CSPP1: variants seen among roughly 807,000 people sequenced by gnomAD.
The protein encoded by CSPP1 is centrosome and spindle pole associated protein 1, also known as centrosome and spindle pole-associated protein 1.
A neutral mutation model predicts 164.4 loss-of-function variants in CSPP1; 126 were observed. That is an observed-to-expected ratio of 0.77 (90% CI 0.66 to 0.89). CSPP1 has a LOEUF of 0.89. Ranked by LOEUF, CSPP1 falls within the 40% of genes least tolerant of loss-of-function variation. The pLI, the probability that CSPP1 is intolerant of heterozygous loss-of-function variation, is 0.00. For missense variants in CSPP1, 1,395 were observed against 1,449.8 expected (o/e 0.96, Z 0.61); for synonymous variants, 472 against 476.7 (o/e 0.99, Z 0.13).
intron 23 of CSPP1, among the ~76,000 whole-genome samples, 169 bp from the exon 24 acceptor site, chr8:67,164,222 G>A (rs1017699898): frequency 6.6e-6 from 1 of 152,078 alleles, no homozygotes; most frequent in Non-Finnish European, 1.5e-5. Flanking sequence ...TCCTAATGAC[G>A]TTCACAATTA....
intron 15 of CSPP1, among the ~76,000 whole-genome samples, chr8:67,127,497 C>T (rs1177149136): frequency 1.3e-5 from 2 of 152,166 alleles, no homozygotes; most frequent in African/African-American, 4.8e-5. Context: ...AACCTAATTA[C>T]CTCTCATAGT....
chr8:67,165,283 C>T (rs1829106659), intron 24 of CSPP1, among the ~76,000 whole-genome samples: 1 of 152,130 alleles, frequency 6.6e-6, no homozygotes, highest in South Asian at 2.1e-4. Context: ...GACTCTGTCT[C>T]ACGAAGAAAA....
chr8:67,193,385 C>T (rs768552427), intron 29 of CSPP1, 79 bp from the exon 30 acceptor site: 56 of 1,315,914 alleles, frequency 4.3e-5, no homozygotes, highest in Non-Finnish European at 5.5e-5. Context: ...GTGATAGGCA[C>T]CATGCCTGGC....
chr8:67,094,764 C>T (rs755871558), intron 6 of CSPP1, among the ~76,000 whole-genome samples: 4 of 152,084 alleles, frequency 2.6e-5, no homozygotes, highest in African/African-American at 7.2e-5. Context: ...ATCAAGATAA[C>T]GAGCGTATCC....
intron 19 of CSPP1, among the ~76,000 whole-genome samples, chr8:67,156,146 T>G (rs950488325): frequency 6.6e-6 from 1 of 152,224 alleles, no homozygotes; most frequent in Non-Finnish European, 1.5e-5. Flanking sequence ...AGACTTTTAT[T>G]GTTTTTGAGA....
At chr8:67,146,489 G>T (rs553191334) in intron 17 of CSPP1, among the ~76,000 whole-genome samples, 1 of 152,220 alleles carries the variant, frequency 6.6e-6, no homozygotes, top group South Asian at 2.1e-4. Flanking sequence ...TGAGCCATCA[G>T]TTAGAATTTT....
At chr8:67,180,851 ATCT>A (rs982151406) in intron 28 of CSPP1, among the ~76,000 whole-genome samples, 5 of 151,774 alleles carry the variant, frequency 3.3e-5, no homozygotes, top group Admixed American at 1.3e-4. Flanking sequence ...GTACCATGGG[ATCT>A]TCTTTTTTTT....
At chr8:67,096,399 T>A (rs1252332388) in intron 7 of CSPP1, among the ~76,000 whole-genome samples, 1 of 151,942 alleles carries the variant, frequency 6.6e-6, no homozygotes, top group Non-Finnish European at 1.5e-5. Context: ...ACCCTGTCTC[T>A]ACTAAAAATA....
rs1227448861 is a variant in CSPP1, at chr8:67,158,528, G to T, written c.2323G>T (p.Glu775Ter). ...AEEKEERRLA[E>*]QRARIQQEYE... is the part of the protein sequence containing the mutation. ...AGAAAAAGAAGAAAGACGGCTTGCA[G>T]AACAGAGGGCACGAATTCAGCAGGA... is the stretch of plus-strand genomic sequence containing the variant. The change falls in exon 20 of 31, where the codon GAA (glutamate) becomes TAA (stop). Residue 775 changes from glutamate to a stop codon, truncating the protein, a stop_gained. Transcript: ENST00000678616. LOFTEE classifies it high-confidence loss of function. The T allele has an allele frequency of 6.2e-7, 1 of 1,612,740 alleles. No homozygotes were observed.
chr8:67,166,107 T>C (rs1037657321), intron 24 of CSPP1, among the ~76,000 whole-genome samples: 5 of 152,218 alleles, frequency 3.3e-5, no homozygotes, highest in African/African-American at 1.2e-4. Context: ...CTCCCGTGTC[T>C]CTTTGACATG....
chr8:67,081,631 A>T (rs1809203979), intron 3 of CSPP1, among the ~76,000 whole-genome samples: 1 of 152,240 alleles, frequency 6.6e-6, no homozygotes, highest in African/African-American at 2.4e-5. Context: ...GGTATTATTA[A>T]CAATAATCAA....
chr8:67,193,395 C>T (rs1836963125), intron 29 of CSPP1, 69 bp from the exon 30 acceptor site: 2 of 1,411,328 alleles, frequency 1.4e-6, no homozygotes, highest in African/African-American at 2.8e-5. Flanking sequence ...CCATGCCTGG[C>T]CCTGATTCAC....
At position 67,159,953 on chromosome 8, in the gene CSPP1, C is replaced by T. The variant is rs1358165612; in HGVS notation, c.2538+816C>T. Among the ~76,000 whole-genome samples, 122 of 29,124 alleles carry T rather than the reference C, an allele frequency of 4.2e-3. 5 individuals carry two copies. The highest frequency in any genetic ancestry group is 0.019 in the Middle Eastern group (1 of 52). 19.1% of individuals were successfully genotyped at this position (29,124 alleles called of 152,430 possible). ...TCCTTCCTTCCTTCCTTCCTTCCTT[C>T]CTTCTTTCTTTTCTTTTCTTTTCTT... On this transcript the variant is annotated intron_variant, in intron 21 of 30. Coordinates refer to ENST00000678616, the MANE Select transcript of CSPP1 (RefSeq NM_001382391.1).
At chr8:67,094,806 G>C (rs778016913) in intron 6 of CSPP1, among the ~76,000 whole-genome samples, 8 of 152,090 alleles carry the variant, frequency 5.3e-5, no homozygotes, top group Non-Finnish European at 1.0e-4. Context: ...GGGACCCTTT[G>C]GAATCTGTGT....
chr8:67,120,037 T>G (rs1818677249), intron 15 of CSPP1, among the ~76,000 whole-genome samples: 1 of 152,168 alleles, frequency 6.6e-6, no homozygotes, highest in Non-Finnish European at 1.5e-5. Context: ...CATTTTGAGT[T>G]AATTTTTTTA....
At chr8:67,146,163 C>A (rs1324859604) in intron 17 of CSPP1, among the ~76,000 whole-genome samples, 2 of 148,118 alleles carry the variant, frequency 1.4e-5, no homozygotes. Context: ...CACTCTGTCA[C>A]CCAGGCTGTA....
chr8:67,108,337 GGCT>G (rs1816073766), intron 9 of CSPP1, among the ~76,000 whole-genome samples: 1 of 151,946 alleles, frequency 6.6e-6, no homozygotes, highest in South Asian at 2.1e-4. Flanking sequence ...GGGAGGTTGA[GGCT>G]GCAGTGAGCC....
At chr8:67,188,036 G>C (rs1835158799) in intron 28 of CSPP1, among the ~76,000 whole-genome samples, 1 of 152,158 alleles carries the variant, frequency 6.6e-6, no homozygotes, top group Admixed American at 6.5e-5. Context: ...GCCGGACTTT[G>C]TAAAAATTTA....
At chr8:67,070,834 G>A (rs1806625320) in intron 1 of CSPP1, among the ~76,000 whole-genome samples, 1 of 151,140 alleles carries the variant, frequency 6.6e-6, no homozygotes, top group Admixed American at 6.6e-5. Flanking sequence ...CTGTAGCCTT[G>A]ATCTCCTGGG....
Sources: gnomAD v4.1 joint callset for allele counts (sites outside exome capture counted in the v4.1 genomes callset) on GRCh38, gnomAD v4.1.1 for gene constraint, MANE v1.5 for transcripts, NCBI Gene and HGNC (gene_info 2026-07-23, HGNC 2026-07-21) for gene names.